COP1: variants seen among roughly 807,000 people sequenced by gnomAD.
COP1 encodes the protein E3 ubiquitin-protein ligase COP1.
COP1 carries 24 observed loss-of-function variants against 101.3 expected under a neutral mutation model. The ratio of observed to expected loss-of-function variants is 0.24; its 90% CI spans 0.17 to 0.33. The LOEUF (loss-of-function observed/expected upper bound fraction) is 0.33, where lower values mean the gene tolerates loss of function less well. Among genes scored for constraint, COP1 ranks in the 10% least tolerant of loss-of-function variants. The pLI is 1.00. For synonymous variants in COP1, 347 were observed against 341.9 expected, an observed-to-expected ratio of 1.01 and a Z score of -0.17; for missense variants, 663 against 906.2, an observed-to-expected ratio of 0.73 and a Z score of 3.45.
chr1:175,974,894 G>A (rs1325928896), intron 18 of COP1, among the ~76,000 whole-genome samples: 46 of 128,432 alleles, frequency 3.6e-4, no homozygotes, highest in African/African-American at 1.3e-3. Flanking sequence ...CTGCACTACA[G>A]CCTAGGTGAC....
At chr1:175,960,606 A>G (rs1651218544) in intron 18 of COP1, among the ~76,000 whole-genome samples, 1 of 152,096 alleles carries the variant, frequency 6.6e-6, no homozygotes, top group Admixed American at 6.6e-5. Flanking sequence ...GGAAATGAAG[A>G]CTGTTTAGTA....
At chr1:176,128,738 T>C (rs1386112842) in intron 8 of COP1, among the ~76,000 whole-genome samples, 1 of 151,966 alleles carries the variant, frequency 6.6e-6, no homozygotes, top group Non-Finnish European at 1.5e-5. Context: ...TAAATAAGCA[T>C]TAGTTCAATT....
At chr1:176,103,918 A>AT (rs1683867298) in intron 9 of COP1, among the ~76,000 whole-genome samples, 3 of 152,170 alleles carry the variant, frequency 2.0e-5, no homozygotes, top group Non-Finnish European at 2.9e-5. Context: ...TTAGGGAGCT[A>AT]GATAAACTGA....
intron 18 of COP1, among the ~76,000 whole-genome samples, chr1:175,967,417 C>T (rs1195658523): frequency 6.6e-6 from 1 of 152,130 alleles, no homozygotes; most frequent in African/African-American, 2.4e-5. Context: ...ACCCAGGAGG[C>T]AGGGGTTGCA....
Position 176,187,921 on chromosome 1 carries a change from T to C in COP1, c.408-3229A>G, listed in dbSNP as rs75818964. 7.0e-3 allele frequency among the ~76,000 whole-genome samples: 1,070 copies of C among 152,162 alleles called. 11 individuals are homozygous for C. Among genetic ancestry groups the C allele is most frequent in the African/African-American group, 0.025 (1,020 of 41,508 alleles). On this transcript the variant is annotated intron_variant, in intron 1 of 19. Coordinates refer to ENST00000367669, the MANE Select transcript of COP1 (RefSeq NM_022457.7). ...CAAGGTGGTGTTAAAACATGGGCCT[T>C]TGGGAGATTTTTAGGTCATGAGGGC...
intron 18 of COP1, among the ~76,000 whole-genome samples, chr1:175,969,285 C>T (rs1166304534): frequency 6.6e-6 from 1 of 152,154 alleles, no homozygotes; most frequent in African/African-American, 2.4e-5. Flanking sequence ...GGGACCAGAA[C>T]ACACTACCTC....
At chr1:176,062,460 G>A (rs1277071839) in intron 11 of COP1, among the ~76,000 whole-genome samples, 1 of 152,090 alleles carries the variant, frequency 6.6e-6, no homozygotes, top group African/African-American at 2.4e-5. Context: ...TTAATAAAAT[G>A]CCTGATATTT....
intron 15 of COP1, among the ~76,000 whole-genome samples, chr1:176,004,675 A>C (rs1360168732): frequency 6.6e-6 from 1 of 150,466 alleles, no homozygotes; most frequent in African/African-American, 2.4e-5. Context: ...TGTGTATTGA[A>C]CCAGCCTTGC....
At chr1:176,089,299 T>TAACAACAACAACAACAACAAC (rs143549335) in intron 9 of COP1, among the ~76,000 whole-genome samples, 1 of 150,478 alleles carries the variant, frequency 6.6e-6, no homozygotes, top group Non-Finnish European at 1.5e-5. Flanking sequence ...TCTAAAACAA[T>TAACAACAACAACAACAACAAC]AACAACAACA....
chr1:176,011,315 C>A lies in COP1; in HGVS notation c.1729+16257G>T, dbSNP rs1481152204. Among the ~76,000 whole-genome samples, 3 of 152,188 alleles carry A rather than the reference C, an allele frequency of 2.0e-5. No homozygotes were observed. The East Asian group carries it at 5.8e-4, about 29-fold the overall frequency. ...CCAAATGTAGCTAGAACTAATACTG[C>A]AGTTCTATTTGACAGTTTTGATAGA... is the stretch of plus-strand genomic sequence containing the variant. On this transcript the variant is annotated intron_variant, in intron 15 of 19. Transcript: ENST00000367669.
chr1:175,997,813 A>G (rs1229402913), intron 15 of COP1, among the ~76,000 whole-genome samples: 1 of 152,166 alleles, frequency 6.6e-6, no homozygotes, highest in Non-Finnish European at 1.5e-5. Flanking sequence ...ACTGTAAACT[A>G]GTTCAACCAT....
intron 14 of COP1, among the ~76,000 whole-genome samples, chr1:176,030,788 CAA>C (rs1286094975): frequency 6.6e-6 from 1 of 152,052 alleles, no homozygotes; most frequent in Non-Finnish European, 1.5e-5. Flanking sequence ...TTGTGTTCCC[CAA>C]AAAGACATGT....
intron 6 of COP1, among the ~76,000 whole-genome samples, chr1:176,143,621 T>C (rs918342598): frequency 6.6e-6 from 1 of 151,854 alleles, no homozygotes; most frequent in African/African-American, 2.4e-5. Flanking sequence ...AACCAAACCA[T>C]ATAGAAGAGA....
At chr1:175,959,073 G>A (rs1300221851) in intron 18 of COP1, among the ~76,000 whole-genome samples, 1 of 151,798 alleles carries the variant, frequency 6.6e-6, no homozygotes, top group Admixed American at 6.6e-5. Context: ...AAACAAAATA[G>A]TAGCAAGTTG....
At chr1:176,154,148 T>C (rs1693081392) in intron 5 of COP1, among the ~76,000 whole-genome samples, 1 of 152,158 alleles carries the variant, frequency 6.6e-6, no homozygotes, top group African/African-American at 2.4e-5. Context: ...TTTTTTGGAA[T>C]AGTTTCAGTA....
At chr1:175,951,461 TAAA>T (rs1553274577) in intron 18 of COP1, among the ~76,000 whole-genome samples, 3 of 54,934 alleles carry the variant, frequency 5.5e-5, no homozygotes, top group Non-Finnish European at 1.3e-4. Flanking sequence ...TATATATATA[TAAA>T]AACTTCCATT....
At chr1:175,994,487 A>G (rs1571485318) in intron 15 of COP1, among the ~76,000 whole-genome samples, 1 of 152,350 alleles carries the variant, frequency 6.6e-6, no homozygotes, top group East Asian at 1.9e-4. Flanking sequence ...AGTGTGCTGT[A>G]TTCAGGAAAC....
chr1:176,173,986 C>CAAAAAAAAAAAAAAAAAAAAA (rs1212803591), intron 3 of COP1, among the ~76,000 whole-genome samples: 1 of 49,062 alleles, frequency 2.0e-5, no homozygotes, highest in African/African-American at 6.7e-5. Flanking sequence ...GATGCTGTCT[C>CAAAAAAAAAAAAAAAAAAAAA]AAAAAAAAAA....
At chr1:176,206,070 A>C (rs984525479) in intron 1 of COP1, among the ~76,000 whole-genome samples, 2 of 152,190 alleles carry the variant, frequency 1.3e-5, no homozygotes, top group African/African-American at 4.8e-5. Flanking sequence ...TAAGACATCC[A>C]TGCTTATGTT....
Sources: allele counts gnomAD v4.1 joint callset (sites outside exome capture counted in the v4.1 genomes callset), GRCh38; gene constraint gnomAD v4.1.1; transcripts MANE v1.5; gene names NCBI Gene and HGNC (gene_info 2026-07-23, HGNC 2026-07-21).